PTPRT: variants seen among roughly 807,000 people sequenced by gnomAD.
PTPRT encodes protein tyrosine phosphatase receptor type T.
Under a neutral mutation model 176.8 loss-of-function variants are expected in PTPRT, and 56 were observed. The ratio of observed to expected loss-of-function variants is 0.32; its 90% CI spans 0.26 to 0.40. The LOEUF (loss-of-function observed/expected upper bound fraction) is 0.40. PTPRT is among the 10% of genes least tolerant of loss of function. The probability of loss-of-function intolerance (pLI) is 1.00; values close to 1 mark genes in which losing one functional copy is unlikely to be tolerated. For missense variants in PTPRT, 1,540 were observed against 1,908.2 expected, an observed-to-expected ratio of 0.81 and a Z score of 3.60; for synonymous variants, 783 against 739.0, an observed-to-expected ratio of 1.06 and a Z score of -0.96.
chr20:42,038,387 G>C, the PTPRT span, among the ~76,000 whole-genome samples: 1 of 152,214 alleles, frequency 6.6e-6, no homozygotes, highest in Non-Finnish European at 1.5e-5. Context: ...TCCAAGAGAA[G>C]TGTTAGGCAT....
chr20:43,168,136 G>A (rs972387276), intron 1 of PTPRT, among the ~76,000 whole-genome samples: 5 of 152,138 alleles, frequency 3.3e-5, no homozygotes, highest in African/African-American at 4.8e-5. Context: ...CACACCTCTC[G>A]CTGCATTATC....
chr20:42,510,344 A>G (rs928383595), intron 7 of PTPRT, among the ~76,000 whole-genome samples: 1 of 152,090 alleles, frequency 6.6e-6, no homozygotes, highest in Non-Finnish European at 1.5e-5. Context: ...TTTGTAGCCT[A>G]TATTCTTCTT....
Position 42,220,051 on chromosome 20 carries a change from AT to A in PTPRT, c.2342+16177del, listed in dbSNP as rs67447487. The stretch of plus-strand genomic sequence containing the variant: ...TTTTAAAAAAGTTATATATATATAT[AT>A]TTTTCAACATATAAAAATCGGTTTC... On this transcript the variant is annotated intron_variant, in intron 15 of 30. Coordinates refer to ENST00000373187, the MANE Select transcript of PTPRT (RefSeq NM_007050.6). Among the ~76,000 whole-genome samples the A allele has an allele frequency of 1.1e-3, 169 of 151,680 alleles. 1 individual carries two copies. Among genetic ancestry groups the A allele is most frequent in the African/African-American group, 3.5e-3 (147 of 41,496 alleles).
intron 1 of PTPRT, among the ~76,000 whole-genome samples, chr20:42,908,963 C>A (rs1204290030): frequency 2.6e-5 from 4 of 152,040 alleles, no homozygotes; most frequent in Non-Finnish European, 5.9e-5. Flanking sequence ...TAGAGACCAG[C>A]CTGGGCAACA....
At chr20:42,172,622 C>T (rs79366069) in intron 16 of PTPRT, among the ~76,000 whole-genome samples, 2 of 152,212 alleles carry the variant, frequency 1.3e-5, no homozygotes, top group Non-Finnish European at 2.9e-5. Context: ...ACCCAGTTTT[C>T]CCCAATGTTA....
At chr20:42,193,774 G>T (rs1329461875) in intron 16 of PTPRT, among the ~76,000 whole-genome samples, 1 of 152,046 alleles carries the variant, frequency 6.6e-6, no homozygotes, top group Non-Finnish European at 1.5e-5. Context: ...TTATCAGAGC[G>T]CATATTTTAG....
chr20:42,098,183 CG>C (rs1407353361), intron 27 of PTPRT, among the ~76,000 whole-genome samples: 1 of 151,856 alleles, frequency 6.6e-6, no homozygotes, highest in Admixed American at 6.6e-5. Context: ...AGTCTGGTCC[CG>C]GGCGGGGAGT....
intron 7 of PTPRT, among the ~76,000 whole-genome samples, chr20:42,666,561 C>T (rs2075320297): frequency 6.6e-6 from 1 of 151,910 alleles, no homozygotes; most frequent in South Asian, 2.1e-4. Context: ...AAAATGAATC[C>T]CATTAAGATT....
At chr20:42,739,482 A>G (rs1270457973) in intron 6 of PTPRT, among the ~76,000 whole-genome samples, 3 of 152,060 alleles carry the variant, frequency 2.0e-5, no homozygotes, top group Non-Finnish European at 4.4e-5. Flanking sequence ...TGACCTTTTG[A>G]ATGCATAGGA....
At chr20:42,280,759 T>G (rs1224378930) in intron 13 of PTPRT, among the ~76,000 whole-genome samples, 1 of 152,194 alleles carries the variant, frequency 6.6e-6, no homozygotes, top group Non-Finnish European at 1.5e-5. Context: ...AGGGTGGGCT[T>G]CTATGTCTCT....
chr20:42,362,596 C>T (rs889244301), intron 9 of PTPRT, among the ~76,000 whole-genome samples: 8 of 151,960 alleles, frequency 5.3e-5, no homozygotes, highest in Non-Finnish European at 1.2e-4. Context: ...GACTGGAAAA[C>T]GACATTAGTG....
At chr20:42,487,205 A>G (rs1373926719) in intron 7 of PTPRT, among the ~76,000 whole-genome samples, 1 of 152,118 alleles carries the variant, frequency 6.6e-6, no homozygotes, top group Non-Finnish European at 1.5e-5. Flanking sequence ...TCTCTTGGAG[A>G]GAAGGGCAGA....
At chr20:42,233,635 G>A (rs1318242283) in intron 15 of PTPRT, among the ~76,000 whole-genome samples, 2 of 152,152 alleles carry the variant, frequency 1.3e-5, no homozygotes, top group East Asian at 3.8e-4. Context: ...GTGCTTGGTG[G>A]TAGTTGGGAT....
intron 2 of PTPRT, among the ~76,000 whole-genome samples, chr20:42,859,182 T>C (rs1382906654): frequency 1.3e-5 from 2 of 152,286 alleles, no homozygotes; most frequent in South Asian, 2.1e-4. Flanking sequence ...ATAACTCCAA[T>C]GATTTCCTGG....
intron 6 of PTPRT, among the ~76,000 whole-genome samples, chr20:42,752,558 C>A (rs1378611186): frequency 6.6e-6 from 1 of 152,196 alleles, no homozygotes; most frequent in Admixed American, 6.5e-5. Context: ...TCTGTGATAT[C>A]CCAGGGTTGT....
chr20:43,155,487 T>C (rs761770573), intron 1 of PTPRT, among the ~76,000 whole-genome samples: 3 of 152,154 alleles, frequency 2.0e-5, no homozygotes, highest in African/African-American at 4.8e-5. Flanking sequence ...GTTGATCTCA[T>C]AGAAGTAGAC....
At chr20:43,163,658 A>C (rs6065585) in intron 1 of PTPRT, among the ~76,000 whole-genome samples, 35,659 of 151,980 alleles carry the variant, frequency 0.23, 4,515 homozygotes, top group East Asian at 0.47. Context: ...CAAAACAAAA[A>C]AAAAAACAGG....
intron 12 of PTPRT, among the ~76,000 whole-genome samples, chr20:42,290,958 T>A (rs2057307681): frequency 6.6e-6 from 1 of 152,130 alleles, no homozygotes; most frequent in Admixed American, 6.6e-5. Context: ...AATTCTTACT[T>A]TACTGCTCTA....
intron 2 of PTPRT, among the ~76,000 whole-genome samples, chr20:42,853,265 C>G (rs184813911): frequency 3.0e-4 from 45 of 152,048 alleles, no homozygotes; most frequent in Non-Finnish European, 5.7e-4. Context: ...GAAATAGAAC[C>G]GACAGAATAT....
Sources: allele counts gnomAD v4.1 joint callset (sites outside exome capture counted in the v4.1 genomes callset), GRCh38; gene constraint gnomAD v4.1.1; transcripts MANE v1.5; gene names NCBI Gene and HGNC (gene_info 2026-07-23, HGNC 2026-07-21).